The following EFNA5 variants were observed in gnomAD, a reference collection of about 807,000 sequenced individuals.
The protein encoded by EFNA5 is ephrin-A5.
Under a neutral mutation model 22.9 loss-of-function variants are expected in EFNA5, and 5 were observed. The ratio of observed to expected loss-of-function variants is 0.22; its 90% CI spans 0.11 to 0.46. The LOEUF (loss-of-function observed/expected upper bound fraction) is 0.46. EFNA5 is among the 20% of genes least tolerant of loss of function. EFNA5 has a pLI of 0.99. For missense variants in EFNA5, 237 were observed against 293.3 expected (o/e 0.81, Z 1.40); for synonymous variants, 113 against 112.2 (o/e 1.01, Z -0.04).
At chr5:107,470,834 C>G (rs1020691267) in intron 1 of EFNA5, among the ~76,000 whole-genome samples, 3 of 151,636 alleles carry the variant, frequency 2.0e-5, no homozygotes, top group Admixed American at 6.6e-5. Context: ...AGTTCGAGAC[C>G]AGCCTAGGCA....
chr5:107,494,593 G>A (rs1003146919), intron 1 of EFNA5, among the ~76,000 whole-genome samples: 6 of 152,228 alleles, frequency 3.9e-5, no homozygotes, highest in East Asian at 3.9e-4. Context: ...CACACGGCAC[G>A]GGACTGGCAG....
chr5:107,515,462 T>C (rs1191633531), intron 1 of EFNA5, among the ~76,000 whole-genome samples: 3 of 150,970 alleles, frequency 2.0e-5, no homozygotes, highest in Non-Finnish European at 4.4e-5. Context: ...CAATGCAACC[T>C]CCGCCTGCTG....
chr5:107,387,633 C>T, intron 3 of EFNA5, 73 bp downstream of exon 3: 5 of 1,085,480 alleles, frequency 4.6e-6, no homozygotes, highest in Non-Finnish European at 6.8e-6. Flanking sequence ...AAAGTTTTAC[C>T]GCCGTGAACC....
rs558218135 is a variant in EFNA5, at chr5:107,537,042, T to C, written c.126-109533A>G. On this transcript the variant is annotated intron_variant, in intron 1 of 4. Transcript: ENST00000333274. ...ATGGCTTGAACCCAGGAGGCGGAGG[T>C]TGCAGTGAGCCGACATCGTGCCACT... Among the ~76,000 whole-genome samples the C allele has an allele frequency of 3.2e-3, 488 of 150,402 alleles. 9 individuals are homozygous for C. The highest frequency in any genetic ancestry group is 5.2e-3 in the Non-Finnish European group (352 of 67,768).
intron 1 of EFNA5, among the ~76,000 whole-genome samples, chr5:107,619,036 C>T (rs1471704978): frequency 6.6e-6 from 1 of 151,970 alleles, no homozygotes; most frequent in Admixed American, 6.5e-5. Flanking sequence ...ATTCTCCTGC[C>T]TCAGCCTCCC....
At chr5:107,512,692 C>A (rs757793953) in intron 1 of EFNA5, among the ~76,000 whole-genome samples, 1 of 152,082 alleles carries the variant, frequency 6.6e-6, no homozygotes, top group Non-Finnish European at 1.5e-5. Flanking sequence ...ACAGCTCCAT[C>A]AAGCAGCAAT....
chr5:107,510,749 A>T (rs1315610183), intron 1 of EFNA5, among the ~76,000 whole-genome samples: 1 of 152,052 alleles, frequency 6.6e-6, no homozygotes, highest in African/African-American at 2.4e-5. Flanking sequence ...TTTTTTTATA[A>T]ACCTCCTGGA....
chr5:107,583,581 T>G (rs1415235219), intron 1 of EFNA5, among the ~76,000 whole-genome samples: 1 of 152,176 alleles, frequency 6.6e-6, no homozygotes, highest in Non-Finnish European at 1.5e-5. Flanking sequence ...TCTGAAGAAC[T>G]GGGCCCATCC....
chr5:107,537,598 T>TCAAAAA (rs370359521), intron 1 of EFNA5, among the ~76,000 whole-genome samples: 1 of 152,140 alleles, frequency 6.6e-6, no homozygotes, highest in African/African-American at 2.4e-5. Context: ...AAACTCCTTC[T>TCAAAAA]CAAAAACAAA....
At chr5:107,646,231 T>C (rs1374361262) in intron 1 of EFNA5, among the ~76,000 whole-genome samples, 2 of 152,178 alleles carry the variant, frequency 1.3e-5, no homozygotes, top group Non-Finnish European at 2.9e-5. Flanking sequence ...ATACTGAAAG[T>C]ATGCTAAAAG....
At chr5:107,496,342 A>AAC (rs1197643205) in intron 1 of EFNA5, among the ~76,000 whole-genome samples, 2 of 149,510 alleles carry the variant, frequency 1.3e-5, no homozygotes, top group African/African-American at 5.0e-5. Flanking sequence ...ATCTCAAAAA[A>AAC]AAAAAAAAAA....
chr5:107,409,375 G>A (rs1748301988), intron 2 of EFNA5, among the ~76,000 whole-genome samples: 1 of 152,212 alleles, frequency 6.6e-6, no homozygotes, highest in African/African-American at 2.4e-5. Context: ...GATTGGAAGG[G>A]TGTATGGGAT....
chr5:107,565,584 C>A (rs550714578), intron 1 of EFNA5, among the ~76,000 whole-genome samples: 57 of 152,234 alleles, frequency 3.7e-4, no homozygotes, highest in African/African-American at 1.3e-3. Flanking sequence ...ACAAAGTTTG[C>A]TGTTTATCTA....
intron 2 of EFNA5, among the ~76,000 whole-genome samples, chr5:107,399,991 T>G (rs1205181430): frequency 6.6e-6 from 1 of 152,172 alleles, no homozygotes; most frequent in African/African-American, 2.4e-5. Flanking sequence ...AACCTATAAT[T>G]TACGTGTACA....
chr5:107,493,615 A>G (rs1276565128), intron 1 of EFNA5, among the ~76,000 whole-genome samples: 1 of 152,258 alleles, frequency 6.6e-6, no homozygotes. Context: ...ACTTATTCAG[A>G]TTTGTAAACT....
rs1749086619 is a variant in EFNA5 at position 107,582,179 on chromosome 5, T to C, written c.125+88310A>G. Reference sequence around the variant, plus strand: ...AGAGAGATAAAATATTACTTATAAGTCCATTTTTACTTCAACTAGTATAGT... The same window carrying C: ...AGAGAGATAAAATATTACTTATAAGCCCATTTTTACTTCAACTAGTATAGT... On this transcript the variant is annotated intron_variant, in intron 1 of 4. Transcript: ENST00000333274. 2.0e-5 allele frequency among the ~76,000 whole-genome samples: 3 copies of C among 152,208 alleles called. No homozygotes were observed. The South Asian group carries it at 6.2e-4, about 32-fold the overall frequency.
At chr5:107,511,301 C>T (rs1747366419) in intron 1 of EFNA5, among the ~76,000 whole-genome samples, 1 of 152,192 alleles carries the variant, frequency 6.6e-6, no homozygotes, top group South Asian at 2.1e-4. Flanking sequence ...GCTGGGATTA[C>T]AAGAGTGAGC....
rs1747317217 is a variant in EFNA5, at chr5:107,378,092, T to C, written c.*3163A>G. The C allele has an allele frequency of 6.6e-6, 1 of 152,200 alleles. No individual in the cohort carries two copies. The highest frequency in any genetic ancestry group is 6.5e-5 in the Admixed American group (1 of 15,280). 9.4% of individuals were successfully genotyped at this position (152,200 alleles called of 1,614,324 possible). On this transcript the variant is annotated 3_prime_UTR_variant, in exon 5 of 5. Coordinates refer to ENST00000333274, the MANE Select transcript of EFNA5 (RefSeq NM_001962.3). ...TGTTTTGTATCCTGAAAGTCTATTG[T>C]TCTCACTTACAAAAGACATAAGAAT...
intron 1 of EFNA5, among the ~76,000 whole-genome samples, chr5:107,471,590 T>C (rs1480326033): frequency 2.0e-5 from 3 of 152,202 alleles, no homozygotes; most frequent in Non-Finnish European, 4.4e-5. Context: ...CAGTTGATGA[T>C]AGAAACATTA....
Sources: gnomAD v4.1 joint callset for allele counts (sites outside exome capture counted in the v4.1 genomes callset) on GRCh38, gnomAD v4.1.1 for gene constraint, MANE v1.5 for transcripts, NCBI Gene and HGNC (gene_info 2026-07-23, HGNC 2026-07-21) for gene names.